Variants in GET4 observed in about 807,000 individuals in gnomAD.
GET4 encodes guided entry of tail-anchored proteins factor 4, also known as Golgi to ER traffic protein 4 homolog.
GET4 carries 20 observed loss-of-function variants against 40.0 expected under a neutral mutation model. The observed-to-expected ratio is 0.50, with a 90% CI of 0.35 to 0.73. The LOEUF (loss-of-function observed/expected upper bound fraction) is 0.73. GET4 is among the 30% of genes least tolerant of loss of function. GET4 has a pLI of 0.01. For missense variants in GET4, 557 were observed against 454.0 expected, an observed-to-expected ratio of 1.23 and a Z score of -2.06; for synonymous variants, 280 against 194.6, an observed-to-expected ratio of 1.44 and a Z score of -3.65.
intron 8 of GET4, 48 bp from the exon 9 acceptor site, chr7:895,278 TTGGGGGCC>T: frequency 1.2e-6 from 1 of 838,356 alleles, no homozygotes; most frequent in South Asian, 1.5e-5. Context: ...AAGGAGGGGC[TTGGGGGCC>T]TGTGGGAGGC....
intron 6 of GET4, among the ~76,000 whole-genome samples, chr7:892,826 G>A (rs1216982253): frequency 6.6e-6 from 1 of 151,314 alleles, no homozygotes; most frequent in Non-Finnish European, 1.5e-5. Context: ...CGGCGTATGT[G>A]CAGGTGTTGC....
In GET4 at chr7:893,935, C is replaced by T. The variant is rs776130668; in HGVS notation, c.859C>T (p.Pro287Ser). The T allele has an allele frequency of 5.6e-6, 9 of 1,607,832 alleles. No individual in the cohort carries two copies. The highest frequency in any genetic ancestry group is 4.4e-5 in the South Asian group (4 of 90,746). Residue 287 changes from proline to serine, a missense_variant, in exon 8 of 9, where the codon CCG (proline) becomes TCG (serine). Transcript: ENST00000265857. ...CATAGGACAGCTGTTCTTCGGCGTC[C>T]CGCCCAAGCAGACGTCTTCCTACGG... ...DRIGQLFFGV[P>S]PKQTSSYGGL...
At chr7:882,653 GGA>G (rs1407672130) in intron 1 of GET4, 46 of 152,610 alleles carry the variant, frequency 3.0e-4, no homozygotes, top group African/African-American at 1.0e-3. Context: ...CTTGCCCCGG[GGA>G]TGGCGCGGGT....
intron 1 of GET4, chr7:884,264 G>C (rs1482595176): frequency 1.5e-6 from 2 of 1,304,062 alleles, no homozygotes; most frequent in African/African-American, 3.0e-5. Context: ...CTGGGAGCTT[G>C]TTTTTCCAGA....
At chr7:884,941 C>T (rs1305061193) in intron 1 of GET4, 1 of 152,568 alleles carries the variant, frequency 6.6e-6, no homozygotes, top group African/African-American at 2.4e-5. Flanking sequence ...ACCACCATGC[C>T]CAGCTAATTT....
chr7:893,517 T>G (rs1463649997), intron 6 of GET4, among the ~76,000 whole-genome samples: 1 of 130,248 alleles, frequency 7.7e-6, no homozygotes, highest in African/African-American at 2.8e-5. Context: ...TGGTTGCAGG[T>G]GAGTGTTGGG....
chr7:887,197 C>G (rs569766045), intron 3 of GET4, 173 bp from the exon 4 acceptor site: 1 of 785,630 alleles, frequency 1.3e-6, no homozygotes, highest in South Asian at 1.4e-5. Context: ...GCACATGGCG[C>G]TGGAACTGCG....
intron 1 of GET4, chr7:878,130 G>A (rs1392477258): frequency 9.6e-5 from 36 of 375,494 alleles, no homozygotes; most frequent in Non-Finnish European, 1.1e-5. Context: ...ACCTAGGCTC[G>A]GTGACACCTG....
At chr7:894,394 G>C (rs10950954) in intron 8 of GET4, among the ~76,000 whole-genome samples, 3 of 151,962 alleles carry the variant, frequency 2.0e-5, no homozygotes, top group African/African-American at 2.4e-5. Flanking sequence ...GTGGTGGTTC[G>C]TGGCACCGCG....
rs369315122 is a variant in GET4, at chr7:895,279, TGGG to T, written c.896-52_896-50del. ...GAGACGTTTGTGGGAAGGAGGGGCT[TGGG>T]GGCCTGTGGGAGGCTGCCCAGGCGT... On this transcript the variant is annotated intron_variant, in intron 8 of 8. Coordinates refer to ENST00000265857, the MANE Select transcript of GET4 (RefSeq NM_015949.3). The T allele has an allele frequency of 2.0e-5, 17 of 841,052 alleles. No homozygotes were observed. In the African/African-American group the frequency reaches 2.5e-4, roughly 13 times the overall value. The allele number at this position is 841,052 out of a possible 1,614,324, so 52.1% of individuals were successfully genotyped here.
chr7:876,623 G>C lies in GET4; in HGVS notation c.-23G>C, dbSNP rs974503405. On this transcript the variant is annotated 5_prime_UTR_variant, in exon 1 of 9. Coordinates refer to ENST00000265857, the MANE Select transcript of GET4 (RefSeq NM_015949.3). ...GCCGACCGCGCCTGCGACAGCGTCA[G>C]CCCTGCGCGGAGCGCCGGCCCGATG... 4.1e-6 allele frequency: 5 copies of C among 1,221,776 alleles called. No homozygotes were observed. The highest frequency in any genetic ancestry group is 5.1e-6 in the Non-Finnish European group (5 of 976,696). The allele number at this position is 1,221,776 out of a possible 1,614,324, so 75.7% of individuals were successfully genotyped here.
chr7:888,951 C>T (rs930598778), intron 4 of GET4, among the ~76,000 whole-genome samples: 4 of 152,364 alleles, frequency 2.6e-5, no homozygotes, highest in South Asian at 4.1e-4. Flanking sequence ...TGGCCGCCCT[C>T]GCCACTCCTG....
chr7:886,763 G>A, intron 3 of GET4, 113 bp downstream of exon 3: 1 of 742,928 alleles, frequency 1.3e-6, no homozygotes, highest in Non-Finnish European at 2.4e-6. Flanking sequence ...TGTGCTGTGG[G>A]GTGAACTCTG....
chr7:881,218 T>C (rs1262788187), intron 1 of GET4: 1 of 152,246 alleles, frequency 6.6e-6, no homozygotes, highest in Non-Finnish European at 1.5e-5. Flanking sequence ...CATTTACATT[T>C]AAATATTTAT....
chr7:894,622 C>T (rs536176670), intron 8 of GET4, among the ~76,000 whole-genome samples: 121 of 152,262 alleles, frequency 7.9e-4, no homozygotes, highest in African/African-American at 2.6e-3. Flanking sequence ...CCGTCAGGAG[C>T]GCCCTGACTC....
chr7:880,334 T>C (rs1213140037), intron 1 of GET4: 1 of 152,236 alleles, frequency 6.6e-6, no homozygotes, highest in East Asian at 1.9e-4. Context: ...AGAGAAACTC[T>C]GTCTCGATAA....
At chr7:894,437 C>T (rs568390399) in intron 8 of GET4, among the ~76,000 whole-genome samples, 6 of 152,208 alleles carry the variant, frequency 3.9e-5, no homozygotes, top group Non-Finnish European at 8.8e-5. Flanking sequence ...CCTGCCTTCC[C>T]AGCGTCACCT....
At position 891,554 on chromosome 7, in the gene GET4, C is replaced by T. The variant is rs373296888; in HGVS notation, c.605+488C>T. 1.3e-3 allele frequency among the ~76,000 whole-genome samples: 201 copies of T among 152,158 alleles called. 1 individual carries two copies. The highest frequency in any genetic ancestry group is 3.4e-3 in the Middle Eastern group (1 of 294). On this transcript the variant is annotated intron_variant, in intron 5 of 8. Coordinates refer to ENST00000265857, the MANE Select transcript of GET4 (RefSeq NM_015949.3). ...GGTCCCTCCCGCCAGCTCGCTGGGG[C>T]GTCCTGCAGGCCAGGCTCCGGGCGC...
intron 1 of GET4, 45 bp downstream of exon 1, chr7:876,845 C>T: frequency 3.8e-6 from 4 of 1,061,558 alleles, no homozygotes; most frequent in Non-Finnish European, 1.2e-6. Flanking sequence ...CCGCCCCCGC[C>T]GCCTCCCATT....
Sources: allele counts gnomAD v4.1 joint callset (sites outside exome capture counted in the v4.1 genomes callset), GRCh38; gene constraint gnomAD v4.1.1; transcripts MANE v1.5; gene names NCBI Gene and HGNC (gene_info 2026-07-23, HGNC 2026-07-21).